MFSD12: variants seen among roughly 807,000 people sequenced by gnomAD.
MFSD12 encodes the protein major facilitator superfamily domain-containing protein 12.
MFSD12 carries 67 observed loss-of-function variants against 51.2 expected under a neutral mutation model. That is an observed-to-expected ratio of 1.31 (90% CI 1.08 to 1.60). MFSD12 has a LOEUF of 1.60. MFSD12 is among the 40% of genes most tolerant of loss of function. The pLI is 0.00. For synonymous variants in MFSD12, 441 were observed against 316.7 expected (o/e 1.39, Z -4.17); for missense variants, 921 against 673.0 (o/e 1.37, Z -4.08).
At chr19:3,542,885 T>C (rs745827798), downstream of MFSD12, 7 of 1,401,752 alleles carry the variant, frequency 5.0e-6, no homozygotes, top group South Asian at 4.5e-5. Context: ...AGGAAGGGAC[T>C]TGTGGGTCTT....
In MFSD12 at chr19:3,548,331, T is replaced by G. The variant is rs950785543; in HGVS notation, c.510-64A>C. ...GAACCTGGGTCACTTCCTCCCCACGTGGCTACGCCGTCAGAGAGGCCTGGG... is the reference window on the plus strand; with the variant it reads ...GAACCTGGGTCACTTCCTCCCCACGGGGCTACGCCGTCAGAGAGGCCTGGG... On this transcript the variant is annotated intron_variant, in intron 2 of 9. Coordinates refer to ENST00000355415, the MANE Select transcript of MFSD12 (RefSeq NM_174983.5). 8 of 1,530,662 alleles carry G rather than the reference T, an allele frequency of 5.2e-6. No individual in the cohort carries two copies. In the African/African-American group the frequency reaches 1.1e-4, roughly 21 times the overall value. 94.8% of individuals were successfully genotyped at this position (1,530,662 alleles called of 1,614,324 possible).
chr19:3,554,934 G>A (rs1480475438), intron 1 of MFSD12, among the ~76,000 whole-genome samples: 1 of 152,154 alleles, frequency 6.6e-6, no homozygotes, highest in Non-Finnish European at 1.5e-5. Context: ...GACCCTCCAG[G>A]CCCACCCAGG....
At chr19:3,548,058 G>A (rs2031221713) in intron 3 of MFSD12, 28 bp from the exon 4 acceptor site, 2 of 1,599,866 alleles carry the variant, frequency 1.3e-6, no homozygotes, top group East Asian at 2.2e-5. Flanking sequence ...GCAGTCAGTG[G>A]TGGCGGGCCC....
downstream of MFSD12, chr19:3,543,753 C>A: frequency 1.3e-6 from 2 of 1,490,744 alleles, no homozygotes; most frequent in Non-Finnish European, 1.8e-6. Context: ...TGAAACTGCC[C>A]GGGGCGATCC....
chr19:3,544,546 TCCCTGCTG>T lies in MFSD12; in HGVS notation c.*156_*163del. On this transcript the variant is annotated 3_prime_UTR_variant, in exon 10 of 10. Transcript: ENST00000355415. ...GGTCCTTGCAAGTCCCTGGCGGGCA[TCCCTGCTG>T]CCCTCACCCGACCCCACCCCCGGGA... 2.8e-6 allele frequency: 4 copies of T among 1,416,110 alleles called. No homozygotes were observed. In the Admixed American group the frequency reaches 8.7e-5, roughly 31 times the overall value. The allele number at this position is 1,416,110 out of a possible 1,614,324, so 87.7% of individuals were successfully genotyped here. A position where few individuals can be genotyped will look rare whatever the true frequency, so the allele number is the denominator to read the frequency against.
chr19:3,541,194 G>A (rs1283553693), downstream of MFSD12, among the ~76,000 whole-genome samples: 2 of 145,978 alleles, frequency 1.4e-5, no homozygotes, highest in Non-Finnish European at 3.0e-5. Flanking sequence ...AAATCAACCA[G>A]GCATGGCGGC....
At chr19:3,541,370 T>A (rs1309380791), downstream of MFSD12, among the ~76,000 whole-genome samples, 1 of 150,644 alleles carries the variant, frequency 6.6e-6, no homozygotes, top group Non-Finnish European at 1.5e-5. Context: ...TTGCCCAGGC[T>A]GGAGTGCAGT....
At chr19:3,554,419 A>G (rs539492377) in intron 1 of MFSD12, among the ~76,000 whole-genome samples, 25 of 150,958 alleles carry the variant, frequency 1.7e-4, no homozygotes, top group Non-Finnish European at 3.1e-4. Context: ...CCTGAGCGAC[A>G]GAGTGAGACT....
At position 3,546,414 on chromosome 19, in the gene MFSD12, G is replaced by A. The variant is rs371396662; in HGVS notation, c.1035C>T (p.Phe345=). The A allele has an allele frequency of 3.2e-5, 52 of 1,605,966 alleles. No homozygotes were observed. Among genetic ancestry groups the A allele is most frequent in the Non-Finnish European group, 4.3e-5 (51 of 1,177,126 alleles). ...NKCIGRNMTY[F]SGLLVILAFA... Reference sequence around the variant, plus strand: ...AGGCCAGGATCACCAGGAGGCCTGAGAAGTAGGTCATCTGCAGGGACAGCC... The same window carrying A: ...AGGCCAGGATCACCAGGAGGCCTGAAAAGTAGGTCATCTGCAGGGACAGCC... Residue 345 remains phenylalanine, a synonymous_variant, in exon 7 of 10, where the codon TTC becomes TTT. Coordinates refer to ENST00000355415, the MANE Select transcript of MFSD12 (RefSeq NM_174983.5).
downstream of MFSD12, among the ~76,000 whole-genome samples, chr19:3,540,541 G>T (rs12984831): frequency 2.0e-5 from 3 of 151,236 alleles, no homozygotes; most frequent in African/African-American, 7.3e-5. Context: ...CAGGCGTGAG[G>T]CACCGCGCCT....
At chr19:3,541,692 G>A, downstream of MFSD12, 2 of 985,338 alleles carry the variant, frequency 2.0e-6, no homozygotes, top group South Asian at 9.4e-5. Context: ...GTAATAACGG[G>A]GGTGAGTGCA....
Position 3,547,925 on chromosome 19 carries a change from T to C in MFSD12, c.760A>G (p.Thr254Ala). Residue 254 changes from threonine to alanine, a missense_variant, in exon 4 of 10, where the codon ACC becomes GCC. Transcript: ENST00000355415. ...RPHAEEPGEHTPLLAPATAQP... is the reference protein window; with the variant it reads ...RPHAEEPGEHAPLLAPATAQP... ...GCCGTGGCAGGGGCCAACAGGGGGG[T>C]GTGCTCGCCTGGCTCCTCCGCATGC... is the stretch of plus-strand genomic sequence containing the variant. 4.4e-6 allele frequency: 7 copies of C among 1,578,822 alleles called. No individual in the cohort carries two copies. Among genetic ancestry groups the C allele is most frequent in the Non-Finnish European group, 6.0e-6 (7 of 1,170,704 alleles).
At chr19:3,554,622 C>T (rs1046025475) in intron 1 of MFSD12, among the ~76,000 whole-genome samples, 6 of 152,164 alleles carry the variant, frequency 3.9e-5, no homozygotes, top group Admixed American at 3.3e-4. Context: ...ACTTGGAATG[C>T]GCCCCTCCAC....
At chr19:3,539,562 C>G, downstream of MFSD12, 2 of 389,334 alleles carry the variant, frequency 5.1e-6, no homozygotes, top group Non-Finnish European at 9.4e-6. Context: ...CAGGCCTGTG[C>G]GGGGCTGGGC....
intron 2 of MFSD12, 93 bp from the exon 3 acceptor site, chr19:3,548,360 C>T (rs2031253247): frequency 2.0e-6 from 3 of 1,476,358 alleles, no homozygotes; most frequent in East Asian, 5.0e-5. Flanking sequence ...GCCTGGGGAA[C>T]CCCTGACTGA....
Position 3,547,841 on chromosome 19 carries a change from C to A in MFSD12, c.837+7G>T. 2 of 1,491,548 alleles carry A rather than the reference C, an allele frequency of 1.3e-6. No homozygotes were observed. Among genetic ancestry groups the A allele is most frequent in the South Asian group, 1.3e-5 (1 of 74,586 alleles). The allele number at this position is 1,491,548 out of a possible 1,614,324, so 92.4% of individuals were successfully genotyped here. On this transcript the variant is annotated splice_region_variant and intron_variant, in intron 4 of 9. Transcript: ENST00000355415. ...CCCACGCCAGCCCCACCGTCCCCAG[C>A]ACGCACCTGGTAGAAAGCCGGCTCC...
At chr19:3,545,980 G>A (rs2030986722) in intron 8 of MFSD12, 94 bp downstream of exon 8, 2 of 1,341,864 alleles carry the variant, frequency 1.5e-6, no homozygotes, top group Non-Finnish European at 2.1e-6. Flanking sequence ...GTCCACAGCT[G>A]GATGCCCAGA....
downstream of MFSD12, chr19:3,543,836 C>T (rs1435895018): frequency 3.3e-6 from 5 of 1,532,764 alleles, no homozygotes; most frequent in East Asian, 2.5e-5. Flanking sequence ...CAGTGCTCAA[C>T]AGGAACCGGT....
Position 3,557,099 on chromosome 19 carries a change from C to T in MFSD12, c.298+7G>A, listed in dbSNP as rs1308043933. On this transcript the variant is annotated splice_region_variant and intron_variant, in intron 1 of 9. Coordinates refer to ENST00000355415, the MANE Select transcript of MFSD12 (RefSeq NM_174983.5). ...TGCCCGACAGGTGGCGGGGCCGGGA[C>T]GCTTACCGACCAGGTGCCAGGCCTT... The T allele has an allele frequency of 4.1e-6, 6 of 1,460,552 alleles. No homozygotes were observed. Among genetic ancestry groups the T allele is most frequent in the Non-Finnish European group, 2.7e-6 (3 of 1,112,836 alleles). 90.5% of individuals were successfully genotyped at this position (1,460,552 alleles called of 1,614,324 possible).
Sources: allele counts gnomAD v4.1 joint callset (sites outside exome capture counted in the v4.1 genomes callset), GRCh38; gene constraint gnomAD v4.1.1; transcripts MANE v1.5; gene names NCBI Gene and HGNC (gene_info 2026-07-23, HGNC 2026-07-21).